Variants in GLB1L observed in about 807,000 individuals in gnomAD.
GLB1L encodes beta-galactosidase-1-like protein.
GLB1L carries 58 observed loss-of-function variants against 75.7 expected under a neutral mutation model. The ratio of observed to expected loss-of-function variants is 0.77; its 90% CI spans 0.62 to 0.95. GLB1L has a LOEUF of 0.95. Ranked by LOEUF, GLB1L falls within the 40% of genes least tolerant of loss-of-function variation. The pLI, the probability that GLB1L is intolerant of heterozygous loss-of-function variation, is 0.00. For missense variants in GLB1L, 797 were observed against 805.5 expected, an observed-to-expected ratio of 0.99 and a Z score of 0.13; for synonymous variants, 296 against 303.0, an observed-to-expected ratio of 0.98 and a Z score of 0.24.
rs2125055189 is a variant in GLB1L, at chr2:219,240,038, C to T, written c.603G>A (p.Leu201=). Reference sequence around the variant, plus strand: ...CTAGCAGTGCACGGAAGAGCCCAGCCAAGTGCCTCATGTAGCTGAAGTCAC... The same window carrying T: ...CTAGCAGTGCACGGAAGAGCCCAGCTAAGTGCCTCATGTAGCTGAAGTCAC... ...RACDFSYMRH[L]AGLFRALLGE... The change falls in exon 7 of 17, where the codon TTG becomes TTA. Residue 201 remains leucine, a synonymous_variant. Coordinates refer to ENST00000295759, the MANE Select transcript of GLB1L (RefSeq NM_001286423.2). 1.2e-6 allele frequency: 2 copies of T among 1,614,086 alleles called. No individual in the cohort carries two copies. Among genetic ancestry groups the T allele is most frequent in the Non-Finnish European group, 8.5e-7 (1 of 1,180,030 alleles).
Position 219,239,205 on chromosome 2 carries a change from CG to C in GLB1L, c.948del (p.Asp317IlefsTer54). The C allele has an allele frequency of 6.2e-7, 1 of 1,609,448 alleles. No individual in the cohort carries two copies. The highest frequency in any genetic ancestry group is 8.5e-7 in the Non-Finnish European group (1 of 1,177,102). ...GGTNFGYWNGADKKGRFLPIT... is the reference protein window; with the variant it reads ...GGTNFGYWNGXDKKGRFLPIT... The stretch of plus-strand genomic sequence containing the variant: ...ATCGGAAGGAAGCGTCCCTTCTTAT[CG>C]GCACCTGAAGTTGAGCCAATTTAAT... On this transcript the variant is annotated frameshift_variant, in exon 11 of 17. Transcript: ENST00000295759. LOFTEE classifies it high-confidence loss of function.
rs1399881505 is a variant in GLB1L, at chr2:219,237,654, T to A, written c.1547A>T (p.Asn516Ile). The A allele has an allele frequency of 1.2e-6, 2 of 1,614,084 alleles. No homozygotes were observed. The highest frequency in any genetic ancestry group is 1.7e-5 in the Admixed American group (1 of 60,004). The change falls in exon 16 of 17, where the codon AAC becomes ATC. Residue 516 changes from asparagine to isoleucine, a missense_variant. Physicochemically the swap from Asn to Ile is moderately radical, Grantham distance 149 (BLOSUM62 -3). Coordinates refer to ENST00000295759, the MANE Select transcript of GLB1L (RefSeq NM_001286423.2). ...QWMMFPLKID[N>I]LVKWWFPLQL... The stretch of plus-strand genomic sequence containing the variant: ...GAGGGGAAACCACCACTTCACAAGG[T>A]TATCAATTTTCAGAGGGAACATCAT...
At chr2:219,238,874 G>T in intron 11 of GLB1L, 95 bp from the exon 12 acceptor site, 3 of 1,118,760 alleles carry the variant, frequency 2.7e-6, no homozygotes, top group Non-Finnish European at 3.9e-6. Flanking sequence ...GGGGCCCAGG[G>T]AAGGGCTTCA....
rs766765489 is a variant in GLB1L, at chr2:219,237,953, A to C, written c.1346T>G (p.Phe449Cys). 9.9e-6 allele frequency: 16 copies of C among 1,614,042 alleles called. No individual in the cohort carries two copies. The highest frequency in any genetic ancestry group is 1.4e-5 in the Non-Finnish European group (16 of 1,180,020). ...CATATTTCGCTCCACAACACCCTGG[A>C]ACACCTGTGGATAGGAGATAGGATA... ...DRAYVMVDGVFQGVVERNMRD... is the reference protein window; with the variant it reads ...DRAYVMVDGVCQGVVERNMRD... The change falls in exon 15 of 17, where the codon TTC (phenylalanine) becomes TGC (cysteine). Residue 449 changes from phenylalanine to cysteine, a missense_variant. Physicochemically the swap from Phe to Cys is radical, Grantham distance 205. Transcript: ENST00000295759.
Position 219,240,172 on chromosome 2 carries a change from A to T in GLB1L, c.546+19T>A. The T allele has an allele frequency of 6.2e-7, 1 of 1,613,300 alleles. No individual in the cohort carries two copies. The highest frequency in any genetic ancestry group is 8.5e-7 in the Non-Finnish European group (1 of 1,179,200). On this transcript the variant is annotated intron_variant, in intron 6 of 16. Coordinates refer to ENST00000295759, the MANE Select transcript of GLB1L (RefSeq NM_001286423.2). ...CCCTTGTACCTTCTTCCCCTGCTCC[A>T]GTCACTTCCCCCTTGTACCTGAATG...
intron 3 of GLB1L, 110 bp from the exon 4 acceptor site, chr2:219,243,028 C>T (rs1048988683): frequency 3.1e-5 from 48 of 1,551,386 alleles, no homozygotes; most frequent in Non-Finnish European, 2.8e-5. Context: ...AGGTCCTGGC[C>T]TGCCCTTTCC....
intron 1 of GLB1L, 105 bp from the exon 2 acceptor site, chr2:219,243,748 T>C: frequency 1.6e-6 from 1 of 616,906 alleles, no homozygotes; most frequent in Non-Finnish European, 2.9e-6. Flanking sequence ...TTGTAAAATT[T>C]CTACATCATG....
chr2:219,238,908 T>C lies in GLB1L; in HGVS notation c.1063-129A>G, dbSNP rs992403658. On this transcript the variant is annotated intron_variant, in intron 11 of 16. Transcript: ENST00000295759. ...CAGGGATCATGGAGGCTCAATAATT[T>C]TGCACACCTGTGTGTCTTCACACAT... 4.6e-5 allele frequency: 41 copies of C among 889,998 alleles called. No homozygotes were observed. In the African/African-American group the frequency reaches 6.6e-4, roughly 14 times the overall value. The allele number at this position is 889,998 out of a possible 1,614,324, so 55.1% of individuals were successfully genotyped here.
At chr2:219,243,100 AG>A in intron 3 of GLB1L, 47 bp downstream of exon 3, 1 of 1,563,476 alleles carries the variant, frequency 6.4e-7, no homozygotes, top group Non-Finnish European at 8.7e-7. Flanking sequence ...AGGGGGCGGT[AG>A]AAAAAGTAGA....
At chr2:219,242,682 G>A in intron 4 of GLB1L, 86 bp downstream of exon 4, 10 of 1,540,078 alleles carry the variant, frequency 6.5e-6, no homozygotes, top group Non-Finnish European at 9.0e-6. Flanking sequence ...TATAGTGCTG[G>A]AGATGGCCCT....
At position 219,239,933 on chromosome 2, in the gene GLB1L, T is replaced by C; in HGVS notation, c.708A>G (p.Val236=). 1 of 1,614,154 alleles carries C rather than the reference T, an allele frequency of 6.2e-7. No individual in the cohort carries two copies. Among genetic ancestry groups the C allele is most frequent in the Non-Finnish European group, 8.5e-7 (1 of 1,180,048 alleles). The change falls in exon 7 of 17, where the codon GTA becomes GTG. Residue 236 remains valine, a synonymous_variant. Coordinates refer to ENST00000295759, the MANE Select transcript of GLB1L (RefSeq NM_001286423.2). ...CTTGCTTGAGACCTGGGCCAAAATC[T>C]ACAGTGGTATAGAGTCCCCGGAGGG... ...CGSLRGLYTT[V]DFGPADNMTK...
In GLB1L at chr2:219,238,770, C is replaced by T. The variant is rs1270923940; in HGVS notation, c.1072G>A (p.Val358Ile). 6.2e-7 allele frequency: 1 copy of T among 1,613,026 alleles called. No homozygotes were observed. The highest frequency in any genetic ancestry group is 1.3e-5 in the African/African-American group (1 of 74,930). The change falls in exon 12 of 17, where the codon GTT becomes ATT. Residue 358 changes from valine to isoleucine, a missense_variant. Transcript: ENST00000295759. ...GGGGGAGGTAAAGGTCCCAAAGGAACTTCCTGGAACTGAGCCCAGATTCTC... is the reference window on the plus strand; with the variant it reads ...GGGGGAGGTAAAGGTCCCAAAGGAATTTCCTGGAACTGAGCCCAGATTCTC... ...LRDVISKFQE[V>I]PLGPLPPPSP...
chr2:219,240,316 G>A (rs1325794999), intron 5 of GLB1L, 31 bp from the exon 6 acceptor site: 2 of 1,542,214 alleles, frequency 1.3e-6, no homozygotes, highest in Admixed American at 1.7e-5. Flanking sequence ...TCTGTGTTAG[G>A]TGCTACCATC....
At position 219,239,912 on chromosome 2, in the gene GLB1L, C is replaced by T. The variant is rs1951345552; in HGVS notation, c.721+8G>A. The T allele has an allele frequency of 6.2e-7, 1 of 1,614,166 alleles. No individual in the cohort carries two copies. The highest frequency in any genetic ancestry group is 1.1e-5 in the South Asian group (1 of 91,088). ...CCCCAGACTCCACTCCCAGCCCTTG[C>T]TTGAGACCTGGGCCAAAATCTACAG... On this transcript the variant is annotated splice_region_variant and intron_variant, in intron 7 of 16. Coordinates refer to ENST00000295759, the MANE Select transcript of GLB1L (RefSeq NM_001286423.2).
At chr2:219,243,678 T>A in intron 1 of GLB1L, 35 bp from the exon 2 acceptor site, 1 of 1,126,826 alleles carries the variant, frequency 8.9e-7, no homozygotes. Flanking sequence ...CACCTCAAGT[T>A]GCCAGGCGTT....
At chr2:219,241,156 A>G (rs1324795091) in intron 5 of GLB1L, among the ~76,000 whole-genome samples, 1 of 151,944 alleles carries the variant, frequency 6.6e-6, no homozygotes, top group Non-Finnish European at 1.5e-5. Flanking sequence ...CAAGGCTGGC[A>G]GATCACGAGG....
intron 5 of GLB1L, among the ~76,000 whole-genome samples, chr2:219,241,432 G>GTATA (rs1215197601): frequency 8.1e-4 from 56 of 68,850 alleles, no homozygotes; most frequent in East Asian, 1.5e-3. Context: ...GTGTGTGTGT[G>GTATA]TGTGTGTGTG....
chr2:219,237,485 T>C (rs746144984), intron 16 of GLB1L, 27 bp downstream of exon 16: 2 of 1,610,764 alleles, frequency 1.2e-6, no homozygotes, highest in South Asian at 1.1e-5. Flanking sequence ...ACCTCCCCGC[T>C]ACCCAAACCA....
chr2:219,241,428 G>A (rs1475550074), intron 5 of GLB1L, among the ~76,000 whole-genome samples: 2 of 97,656 alleles, frequency 2.0e-5, no homozygotes, highest in African/African-American at 6.8e-5. Flanking sequence ...GTGTGTGTGT[G>A]TGTGTGTGTG....
Sources: gnomAD v4.1 joint callset for allele counts (sites outside exome capture counted in the v4.1 genomes callset) on GRCh38, gnomAD v4.1.1 for gene constraint, MANE v1.5 for transcripts, NCBI Gene and HGNC (gene_info 2026-07-23, HGNC 2026-07-21) for gene names.